ENPP6: variants seen among roughly 807,000 people sequenced by gnomAD.
ENPP6 encodes the protein glycerophosphocholine cholinephosphodiesterase ENPP6.
A neutral mutation model predicts 42.0 loss-of-function variants in ENPP6; 32 were observed. That is an observed-to-expected ratio of 0.76 (90% CI 0.58 to 1.02). ENPP6 has a LOEUF of 1.02. Ranked by LOEUF, ENPP6 falls within the 50% of genes least tolerant of loss-of-function variation. The probability of loss-of-function intolerance (pLI) is 0.00; values close to 1 mark genes in which losing one functional copy is unlikely to be tolerated. For synonymous variants in ENPP6, 213 were observed against 216.0 expected (o/e 0.99, Z 0.12); for missense variants, 552 against 566.8 (o/e 0.97, Z 0.27).
At chr4:184,132,849 A>G (rs1736662760) in intron 2 of ENPP6, among the ~76,000 whole-genome samples, 1 of 148,414 alleles carries the variant, frequency 6.7e-6, no homozygotes, top group Non-Finnish European at 1.5e-5. Context: ...ATATATATAT[A>G]TATATATAAA....
intron 1 of ENPP6, among the ~76,000 whole-genome samples, chr4:184,208,572 C>G (rs1351410010): frequency 5.3e-5 from 8 of 151,848 alleles, no homozygotes; most frequent in Non-Finnish European, 8.8e-5. Flanking sequence ...TAACCCGCAC[C>G]TGGCTGGGAG....
At chr4:184,183,394 T>A (rs1732585148) in intron 1 of ENPP6, among the ~76,000 whole-genome samples, 1 of 152,196 alleles carries the variant, frequency 6.6e-6, no homozygotes, top group Non-Finnish European at 1.5e-5. Flanking sequence ...GACAGGTATG[T>A]TAAGAACATG....
intron 2 of ENPP6, among the ~76,000 whole-genome samples, chr4:184,140,226 A>C (rs549423429): frequency 0.01 from 1,539 of 152,002 alleles, 21 homozygotes; most frequent in South Asian, 0.04. Flanking sequence ...ACCACTGCTC[A>C]AGGAAATAAA....
At chr4:184,140,316 A>T (rs1736798669) in intron 2 of ENPP6, among the ~76,000 whole-genome samples, 1 of 151,656 alleles carries the variant, frequency 6.6e-6, no homozygotes. Context: ...CATACTGCCC[A>T]AGGTAATTTA....
intron 1 of ENPP6, among the ~76,000 whole-genome samples, chr4:184,177,192 G>C (rs1007195830): frequency 6.6e-6 from 1 of 152,134 alleles, no homozygotes; most frequent in African/African-American, 2.4e-5. Context: ...AGGGAAACTG[G>C]GTGGTTTGGA....
chr4:184,159,037 A>G (rs1022512496), intron 1 of ENPP6, among the ~76,000 whole-genome samples: 1 of 152,126 alleles, frequency 6.6e-6, no homozygotes, highest in Non-Finnish European at 1.5e-5. Context: ...TGCTCTTCCT[A>G]TCTGTCGTGA....
chr4:184,121,038 C>A (rs1736407635), intron 3 of ENPP6, among the ~76,000 whole-genome samples: 1 of 152,170 alleles, frequency 6.6e-6, no homozygotes, highest in Non-Finnish European at 1.5e-5. Context: ...AGTATTTAAC[C>A]TTCAGAGAGC....
chr4:184,140,284 G>T (rs993464531), intron 2 of ENPP6, among the ~76,000 whole-genome samples: 15 of 150,848 alleles, frequency 9.9e-5, no homozygotes, highest in African/African-American at 3.6e-4. Flanking sequence ...TGGGTAGGAA[G>T]AATCAATATC....
intron 3 of ENPP6, among the ~76,000 whole-genome samples, chr4:184,118,108 T>C (rs1236547784): frequency 6.6e-6 from 1 of 152,252 alleles, no homozygotes; most frequent in Non-Finnish European, 1.5e-5. Flanking sequence ...GAGCAATTCT[T>C]TGCAATCTTT....
chr4:184,163,853 A>G (rs1737306031), intron 1 of ENPP6, among the ~76,000 whole-genome samples: 1 of 152,234 alleles, frequency 6.6e-6, no homozygotes, highest in Non-Finnish European at 1.5e-5. Flanking sequence ...AGGCACATCA[A>G]TTTAGTCAAA....
chr4:184,150,112 A>C (rs1012635161), intron 2 of ENPP6, among the ~76,000 whole-genome samples: 7 of 152,104 alleles, frequency 4.6e-5, no homozygotes, highest in Non-Finnish European at 8.8e-5. Flanking sequence ...GCCTCCCCTG[A>C]CTTAGGGCCT....
At chr4:184,185,136 T>C (rs1193062561) in intron 1 of ENPP6, among the ~76,000 whole-genome samples, 2 of 152,200 alleles carry the variant, frequency 1.3e-5, no homozygotes, top group African/African-American at 4.8e-5. Flanking sequence ...AAATGTATAC[T>C]AAACTGGATT....
chr4:184,131,246 T>TTC (rs879486774), intron 2 of ENPP6, among the ~76,000 whole-genome samples: 13,109 of 95,230 alleles, frequency 0.14, 2,215 homozygotes, highest in Middle Eastern at 0.18. Context: ...TTTTCTTTCT[T>TTC]TCTTTCTCTT....
Position 184,188,657 on chromosome 4 carries a change from C to T in ENPP6, c.241+28922G>A, listed in dbSNP as rs1732672468. On this transcript the variant is annotated intron_variant, in intron 1 of 7. Coordinates refer to ENST00000296741, the MANE Select transcript of ENPP6 (RefSeq NM_153343.4). ...GATGCCACATTGCTCCAGAGGGCTA[C>T]AGATTTATGAACAGTTTAGCTGGAG... Among the ~76,000 whole-genome samples, 3 of 152,248 alleles carry T rather than the reference C, an allele frequency of 2.0e-5. No homozygotes were observed. In the South Asian group the frequency reaches 6.2e-4, roughly 32 times the overall value.
intron 1 of ENPP6, among the ~76,000 whole-genome samples, chr4:184,197,036 C>T (rs1021985143): frequency 7.2e-5 from 11 of 152,178 alleles, no homozygotes; most frequent in Non-Finnish European, 1.0e-4. Flanking sequence ...TTTAGCTGGA[C>T]GTTATAATAC....
Position 184,215,426 on chromosome 4 carries a change from G to A in ENPP6, c.241+2153C>T, listed in dbSNP as rs540440874. Among the ~76,000 whole-genome samples the A allele has an allele frequency of 3.5e-4, 53 of 152,286 alleles. No homozygotes were observed. The South Asian group carries it at 9.5e-3, about 27-fold the overall frequency. ...TAAAAGAGGAGGTTTTCAGCATCAGGTGGAAAAATAAGTATGGGTATTGGG... is the reference window on the plus strand; with the variant it reads ...TAAAAGAGGAGGTTTTCAGCATCAGATGGAAAAATAAGTATGGGTATTGGG... On this transcript the variant is annotated intron_variant, in intron 1 of 7. Transcript: ENST00000296741.
chr4:184,185,595 A>G (rs531373231), intron 1 of ENPP6, among the ~76,000 whole-genome samples: 31 of 152,328 alleles, frequency 2.0e-4, no homozygotes, highest in African/African-American at 7.0e-4. Flanking sequence ...TAGATTAAAA[A>G]CAAAAAAGTT....
chr4:184,172,652 G>GT (rs1467280614), intron 1 of ENPP6, among the ~76,000 whole-genome samples: 1 of 152,100 alleles, frequency 6.6e-6, no homozygotes, highest in African/African-American at 2.4e-5. Flanking sequence ...ACTAATGTGG[G>GT]TTTTTTTCTG....
chr4:184,100,182 G>A (rs1046623465), intron 6 of ENPP6, among the ~76,000 whole-genome samples: 3 of 152,226 alleles, frequency 2.0e-5, no homozygotes, highest in African/African-American at 7.2e-5. Context: ...TAGCCACCTG[G>A]CGGGTCAGGT....
Sources: gnomAD v4.1 joint callset for allele counts (sites outside exome capture counted in the v4.1 genomes callset) on GRCh38, gnomAD v4.1.1 for gene constraint, MANE v1.5 for transcripts, NCBI Gene and HGNC (gene_info 2026-07-23, HGNC 2026-07-21) for gene names.